KAZN: variants seen among roughly 807,000 people sequenced by gnomAD.
KAZN encodes the protein kazrin, periplakin interacting protein.
Under a neutral mutation model 87.4 loss-of-function variants are expected in KAZN, and 40 were observed. The ratio of observed to expected loss-of-function variants is 0.46; its 90% confidence interval spans 0.36 to 0.60. The LOEUF is 0.60. Among genes scored for constraint, KAZN ranks in the 20% least tolerant of loss-of-function variants. The pLI, the probability that KAZN is intolerant of heterozygous loss-of-function variation, is 0.00. For synonymous variants in KAZN, 466 were observed against 458.3 expected, an observed-to-expected ratio of 1.02 and a Z score of -0.22; for missense variants, 898 against 1,073.9, an observed-to-expected ratio of 0.84 and a Z score of 2.29.
intron 2 of KAZN, among the ~76,000 whole-genome samples, chr1:14,493,126 C>G (rs1379842266): frequency 6.6e-6 from 1 of 152,184 alleles, no homozygotes; most frequent in Admixed American, 6.5e-5. Context: ...GCCCCTCCCT[C>G]CCACCTGATC....
rs371922489 is a variant in KAZN at position 15,002,030 on chromosome 1, G to A, written c.419-32719G>A. ...CGAGTAGCTGGGACTACAGGCGCCCGCCACCACACCTGGCTAATTTTTTGT... is the reference window on the plus strand; with the variant it reads ...CGAGTAGCTGGGACTACAGGCGCCCACCACCACACCTGGCTAATTTTTTGT... On this transcript the variant is annotated intron_variant, in intron 2 of 14. Coordinates refer to ENST00000376030, the MANE Select transcript of KAZN (RefSeq NM_201628.3). Among the ~76,000 whole-genome samples the A allele has an allele frequency of 3.6e-3, 544 of 151,842 alleles. 3 individuals carry two copies. The highest frequency in any genetic ancestry group is 0.012 in the African/African-American group (494 of 41,410).
At chr1:14,513,853 GTAGCAGGTTGCTACAATTAGA>G (rs1671048988) in intron 2 of KAZN, among the ~76,000 whole-genome samples, 1 of 152,030 alleles carries the variant, frequency 6.6e-6, no homozygotes, top group South Asian at 2.1e-4. Context: ...CCGCATTAAT[GTAGCAGGTTGCTACAATTAGA>G]AGATCATTCT....
intron 1 of KAZN, among the ~76,000 whole-genome samples, chr1:14,845,666 C>G (rs902601550): frequency 2.6e-5 from 4 of 152,070 alleles, no homozygotes; most frequent in Non-Finnish European, 2.9e-5. Flanking sequence ...CCAGATTGCC[C>G]CCATGATACC....
intron 8 of KAZN, among the ~76,000 whole-genome samples, chr1:15,068,703 C>T (rs1052854327): frequency 2.0e-5 from 3 of 152,044 alleles, no homozygotes; most frequent in African/African-American, 7.2e-5. Flanking sequence ...CTCAGGCCTC[C>T]CCCAGCGAGA....
chr1:14,863,610 G>A (rs889806253), intron 1 of KAZN, among the ~76,000 whole-genome samples: 7 of 152,200 alleles, frequency 4.6e-5, no homozygotes, highest in African/African-American at 1.7e-4. Context: ...CTTAGGGGCT[G>A]TAGCAGTCAA....
At chr1:15,053,992 G>A (rs560138553) in intron 4 of KAZN, among the ~76,000 whole-genome samples, 19 of 152,166 alleles carry the variant, frequency 1.2e-4, no homozygotes, top group Non-Finnish European at 2.8e-4. Flanking sequence ...TCACTATACA[G>A]ATGGGGAAAC....
rs1557674544 is a variant in KAZN at position 14,377,456 on chromosome 1, G to GT, written c.249+196865dup. 2.0e-5 allele frequency among the ~76,000 whole-genome samples: 3 copies of GT among 152,284 alleles called. No homozygotes were observed. In the East Asian group the frequency reaches 5.8e-4, roughly 29 times the overall value. On this transcript the variant is annotated intron_variant, in intron 2 of 16. Transcript: ENST00000636203. Reference sequence around the variant, plus strand: ...CATGGCAACAATGACAGTAGAAAACGTAAGAAATAGCAGTTCCAACAAGCA... The same window carrying GT: ...CATGGCAACAATGACAGTAGAAAACGTTAAGAAATAGCAGTTCCAACAAGCA...
rs74383663 is a variant in KAZN, at chr1:14,393,448, G to A, written c.250-205535G>A. Among the ~76,000 whole-genome samples, 804 of 152,226 alleles carry A rather than the reference G, an allele frequency of 5.3e-3. 3 individuals carry two copies. Among genetic ancestry groups the A allele is most frequent in the African/African-American group, 0.018 (742 of 41,536 alleles). On this transcript the variant is annotated intron_variant, in intron 2 of 16. Transcript: ENST00000636203. ...GACATCATTGCATTTTAGAGAAGCCGTTTGGTACTGAGGATCCTCTGTGTG... is the reference window on the plus strand; with the variant it reads ...GACATCATTGCATTTTAGAGAAGCCATTTGGTACTGAGGATCCTCTGTGTG...
intron 1 of KAZN, among the ~76,000 whole-genome samples, chr1:14,003,224 G>A (rs1201726441): frequency 2.0e-5 from 3 of 151,658 alleles, no homozygotes; most frequent in East Asian, 3.9e-4. Context: ...GCAAGAGGAG[G>A]GAACTTAGAG....
At chr1:14,467,789 C>G (rs2148363048) in intron 2 of KAZN, among the ~76,000 whole-genome samples, 1 of 151,484 alleles carries the variant, frequency 6.6e-6, no homozygotes, top group African/African-American at 2.4e-5. Context: ...TCTGTTAATT[C>G]CACTCTCAGG....
chr1:14,946,143 G>A (rs1473149233), intron 1 of KAZN: 8 of 153,502 alleles, frequency 5.2e-5, no homozygotes. Flanking sequence ...CAGAACCACT[G>A]CTCTTCACTG....
rs532708173 is a variant in KAZN at position 14,805,894 on chromosome 1, A to G, written c.227-154790A>G. Among the ~76,000 whole-genome samples, 317 of 152,244 alleles carry G rather than the reference A, an allele frequency of 2.1e-3. 3 individuals are homozygous for G. The highest frequency in any genetic ancestry group is 0.019 in the Admixed American group (284 of 15,288). ...CCATAACTGCACTTGAAGGGGGTGT[A>G]CATGCTGGGAGGCGATTGCAGTGTT... On this transcript the variant is annotated intron_variant, in intron 1 of 14. Transcript: ENST00000376030.
chr1:14,944,718 A>C (rs1330830460), intron 1 of KAZN, among the ~76,000 whole-genome samples: 1 of 152,226 alleles, frequency 6.6e-6, no homozygotes, highest in Non-Finnish European at 1.5e-5. Flanking sequence ...ATTTAGGACA[A>C]TAAAACCCAC....
chr1:14,618,222 C>T (rs985436552), intron 1 of KAZN, among the ~76,000 whole-genome samples: 34 of 152,176 alleles, frequency 2.2e-4, no homozygotes, highest in African/African-American at 4.3e-4. Context: ...GCCCCAGCCC[C>T]GGCGTGTTCT....
At chr1:14,309,838 C>T (rs532310286) in intron 2 of KAZN, among the ~76,000 whole-genome samples, 135 of 151,832 alleles carry the variant, frequency 8.9e-4, no homozygotes, top group African/African-American at 2.9e-3. Context: ...TCCCAAAGTG[C>T]TAGATTACAG....
At chr1:14,316,806 A>G (rs1655685529) in intron 2 of KAZN, among the ~76,000 whole-genome samples, 1 of 151,948 alleles carries the variant, frequency 6.6e-6, no homozygotes, top group African/African-American at 2.4e-5. Context: ...ATTCAGAAGT[A>G]TATTGCTTAA....
intron 3 of KAZN, among the ~76,000 whole-genome samples, chr1:15,042,632 G>A (rs1470557191): frequency 6.6e-6 from 1 of 152,198 alleles, no homozygotes; most frequent in Non-Finnish European, 1.5e-5. Context: ...AGGCAGGGAT[G>A]ACTCACAGCA....
chr1:14,779,781 A>C (rs530771911), intron 1 of KAZN, among the ~76,000 whole-genome samples: 1 of 152,198 alleles, frequency 6.6e-6, no homozygotes, highest in Non-Finnish European at 1.5e-5. Context: ...AATTTGTTCA[A>C]CTTTCTTTTC....
At chr1:14,956,019 A>T (rs1407855289) in intron 1 of KAZN, among the ~76,000 whole-genome samples, 1 of 152,234 alleles carries the variant, frequency 6.6e-6, no homozygotes, top group African/African-American at 2.4e-5. Context: ...TTTGTTGTTT[A>T]TCTGAAATTC....
Sources: allele counts gnomAD v4.1 joint callset (sites outside exome capture counted in the v4.1 genomes callset), GRCh38; gene constraint gnomAD v4.1.1; transcripts MANE v1.5; gene names NCBI Gene and HGNC (gene_info 2026-07-23, HGNC 2026-07-21).